The following DNAH7 variants were observed in gnomAD, a reference collection of about 807,000 sequenced individuals.
DNAH7 encodes the protein axonemal beta dynein heavy chain 7.
DNAH7 carries 397 observed loss-of-function variants against 444.6 expected under a neutral mutation model. That is an observed-to-expected ratio of 0.89 (90% CI 0.82 to 0.97). DNAH7 has a LOEUF of 0.97. DNAH7 is among the 50% of genes least tolerant of loss of function. The pLI is 0.00. For missense variants in DNAH7, 4,902 were observed against 4,800.8 expected (o/e 1.02, Z -0.62); for synonymous variants, 1,636 against 1,624.4 (o/e 1.01, Z -0.17).
chr2:195,793,285 T>C (rs1157252430), intron 57 of DNAH7, among the ~76,000 whole-genome samples: 1 of 152,218 alleles, frequency 6.6e-6, no homozygotes, highest in Non-Finnish European at 1.5e-5. Context: ...TAAAATTATT[T>C]TCAAATAAAA....
rs758008827 is a variant in DNAH7, at chr2:195,771,875, C to T, written c.11218G>A (p.Ala3740Thr). ...ILLTQSRSAG[A>T]GAKSSDEVVN... ...ACTTCATCTGATGATTTTGCACCAG[C>T]ACCTGCTGAACGAGACTATGAAGAA... Residue 3740 changes from alanine to threonine, a missense_variant, in exon 61 of 65, where the codon GCT becomes ACT. Physicochemically the swap from Ala to Thr is moderately conservative, Grantham distance 58. Transcript: ENST00000312428. 1 of 1,614,164 alleles carries T rather than the reference C, an allele frequency of 6.2e-7. No homozygotes were observed. The highest frequency in any genetic ancestry group is 1.1e-5 in the South Asian group (1 of 91,082).
intron 15 of DNAH7, among the ~76,000 whole-genome samples, chr2:195,982,945 T>C (rs1368966232): frequency 6.6e-6 from 1 of 152,158 alleles, no homozygotes; most frequent in East Asian, 1.9e-4. Context: ...ATATCAATAA[T>C]TTAATTGTAC....
At chr2:196,036,226 GT>G (rs1218155551) in intron 5 of DNAH7, among the ~76,000 whole-genome samples, 3 of 151,984 alleles carry the variant, frequency 2.0e-5, no homozygotes, top group Non-Finnish European at 2.9e-5. Context: ...TAGGGACAGG[GT>G]TTCGCCATGT....
At chr2:195,840,374 G>A (rs1199254916) in intron 47 of DNAH7, among the ~76,000 whole-genome samples, 1 of 151,432 alleles carries the variant, frequency 6.6e-6, no homozygotes, top group African/African-American at 2.4e-5. Flanking sequence ...ATACAAAGGA[G>A]GTAAAAAAAC....
intron 5 of DNAH7, among the ~76,000 whole-genome samples, chr2:196,044,948 G>A (rs1352985778): frequency 2.6e-5 from 4 of 152,020 alleles, no homozygotes; most frequent in Non-Finnish European, 5.9e-5. Flanking sequence ...GTTGTGGCAC[G>A]TGCCTTAGTC....
chr2:195,841,794 T>A (rs1198293953), intron 47 of DNAH7, among the ~76,000 whole-genome samples: 1 of 151,978 alleles, frequency 6.6e-6, no homozygotes, highest in Non-Finnish European at 1.5e-5. Context: ...AAATGGAAAT[T>A]GAATTTTTAT....
chr2:195,915,659 G>C (rs1168741811), intron 24 of DNAH7, among the ~76,000 whole-genome samples: 1 of 152,100 alleles, frequency 6.6e-6, no homozygotes, highest in South Asian at 2.1e-4. Context: ...GTACTTAGGA[G>C]GTCAAATCCT....
At position 196,019,297 on chromosome 2, in the gene DNAH7, T is replaced by C; in HGVS notation, c.744-2A>G. ...CAAGGTTTTGGCAGAATTTCCATTC[T>C]GAAAACAAAGAAAATATTTAGTTAC... On this transcript the variant is annotated splice_acceptor_variant, in intron 8 of 64. Coordinates refer to ENST00000312428, the MANE Select transcript of DNAH7 (RefSeq NM_018897.3). LOFTEE classifies it high-confidence loss of function. 4 of 1,465,750 alleles carry C rather than the reference T, an allele frequency of 2.7e-6. No homozygotes were observed. The highest frequency in any genetic ancestry group is 3.7e-6 in the Non-Finnish European group (4 of 1,091,780). 90.8% of individuals were successfully genotyped at this position (1,465,750 alleles called of 1,614,324 possible).
chr2:195,982,713 C>T (rs1692655200), intron 15 of DNAH7, among the ~76,000 whole-genome samples: 1 of 152,118 alleles, frequency 6.6e-6, no homozygotes, highest in African/African-American at 2.4e-5. Context: ...TGAAATCAGC[C>T]AGGCACAGAA....
chr2:196,005,664 G>T (rs1425210826), intron 10 of DNAH7, among the ~76,000 whole-genome samples: 3 of 151,762 alleles, frequency 2.0e-5, no homozygotes, highest in Non-Finnish European at 4.4e-5. Context: ...GACTTAAAAA[G>T]ACATAGAAAA....
At chr2:195,891,908 T>C (rs1366077513) in intron 30 of DNAH7, 104 bp from the exon 31 acceptor site, 5 of 927,510 alleles carry the variant, frequency 5.4e-6, no homozygotes, top group African/African-American at 1.7e-5. Flanking sequence ...ACAAAGAAAG[T>C]ATTAGAAGTA....
intron 57 of DNAH7, among the ~76,000 whole-genome samples, chr2:195,787,440 T>C (rs113519360): frequency 1.6e-3 from 242 of 152,292 alleles, no homozygotes; most frequent in African/African-American, 5.7e-3. Flanking sequence ...AACTTAATGC[T>C]GCGTTACAGA....
At chr2:196,050,656 A>G (rs1420941603) in intron 3 of DNAH7, among the ~76,000 whole-genome samples, 1 of 152,220 alleles carries the variant, frequency 6.6e-6, no homozygotes, top group Non-Finnish European at 1.5e-5. Context: ...TAACTTGTAC[A>G]GGGCTTTATC....
At chr2:195,871,094 C>T (rs1329068705) in intron 40 of DNAH7, among the ~76,000 whole-genome samples, 1 of 152,172 alleles carries the variant, frequency 6.6e-6, no homozygotes, top group East Asian at 1.9e-4. Flanking sequence ...CAAAGAATCA[C>T]TTTTGGAGAC....
intron 61 of DNAH7, among the ~76,000 whole-genome samples, chr2:195,770,582 C>A (rs1452022857): frequency 6.6e-6 from 1 of 152,090 alleles, no homozygotes; most frequent in African/African-American, 2.4e-5. Context: ...TGCCCCTCAA[C>A]GTAATTTAGG....
At chr2:195,778,627 A>AT (rs1695193177) in intron 58 of DNAH7, among the ~76,000 whole-genome samples, 2 of 47,258 alleles carry the variant, frequency 4.2e-5, no homozygotes, top group Non-Finnish European at 7.5e-5. Flanking sequence ...TGAAAAAAAA[A>AT]AAAAATAAAT....
chr2:195,805,590 G>A (rs1367630646), intron 54 of DNAH7, among the ~76,000 whole-genome samples: 1 of 152,012 alleles, frequency 6.6e-6, no homozygotes, highest in Non-Finnish European at 1.5e-5. Context: ...AGTGACTTTC[G>A]TGGACCCAAG....
In DNAH7 at chr2:195,856,008, T is replaced by A. The variant is rs1308828910; in HGVS notation, c.8415-17A>T. On this transcript the variant is annotated splice_polypyrimidine_tract_variant and intron_variant, in intron 44 of 64. Coordinates refer to ENST00000312428, the MANE Select transcript of DNAH7 (RefSeq NM_018897.3). ...TTTGCCACTCTGCAAAAAGTAAAAT[T>A]GAAAAATTAAATATTCATTTAATAT... is the stretch of plus-strand genomic sequence containing the variant. The A allele has an allele frequency of 2.5e-6, 4 of 1,599,634 alleles. No homozygotes were observed. The highest frequency in any genetic ancestry group is 3.4e-6 in the Non-Finnish European group (4 of 1,173,760).
chr2:195,998,001 A>C (rs531549858), intron 12 of DNAH7, among the ~76,000 whole-genome samples: 4 of 152,326 alleles, frequency 2.6e-5, no homozygotes, highest in Admixed American at 2.6e-4. Flanking sequence ...TAACGAACTT[A>C]CACAAGTACC....
Sources: allele counts gnomAD v4.1 joint callset (sites outside exome capture counted in the v4.1 genomes callset), GRCh38; gene constraint gnomAD v4.1.1; transcripts MANE v1.5; gene names NCBI Gene and HGNC (gene_info 2026-07-23, HGNC 2026-07-21).